The following UBE3D variants were observed in gnomAD, a reference collection of about 807,000 sequenced individuals.
UBE3D encodes the protein ubiquitin protein ligase E3D.
A neutral mutation model predicts 49.6 loss-of-function variants in UBE3D; 48 were observed. The observed-to-expected ratio is 0.97, with a 90% CI of 0.77 to 1.23. The LOEUF (loss-of-function observed/expected upper bound fraction) is 1.23, where lower values mean the gene tolerates loss of function less well. Among genes scored for constraint, UBE3D ranks in the 50% most tolerant of loss-of-function variants. The pLI is 0.00. For synonymous variants in UBE3D, 189 were observed against 174.2 expected (o/e 1.08, Z -0.67); for missense variants, 452 against 468.4 (o/e 0.96, Z 0.32).
chr6:83,026,704 A>G (rs551335742), intron 5 of UBE3D, among the ~76,000 whole-genome samples: 1 of 152,070 alleles, frequency 6.6e-6, no homozygotes, highest in Non-Finnish European at 1.5e-5. Context: ...TTATTTATTT[A>G]CTTATTTAAG....
intron 5 of UBE3D, among the ~76,000 whole-genome samples, chr6:83,034,680 TGAA>T (rs1782118196): frequency 6.6e-6 from 1 of 152,158 alleles, no homozygotes; most frequent in South Asian, 2.1e-4. Context: ...TGCCCCCTTA[TGAA>T]GAAGGTGCTT....
intron 5 of UBE3D, among the ~76,000 whole-genome samples, chr6:83,034,273 T>A (rs1178454837): frequency 6.6e-6 from 1 of 152,116 alleles, no homozygotes; most frequent in African/African-American, 2.4e-5. Context: ...TATACTTTTG[T>A]ATCATACTAC....
intron 4 of UBE3D, among the ~76,000 whole-genome samples, chr6:83,042,001 CCAGGTTCAAACGATTCTCCTGCCTCA>C (rs1782706863): frequency 1.3e-5 from 2 of 152,096 alleles, no homozygotes; most frequent in Non-Finnish European, 2.9e-5. Context: ...CCTCTGCCTC[CCAGGTTCAAACGATTCTCCTGCCTCA>C]GCCTCCTGAG....
intron 3 of UBE3D, among the ~76,000 whole-genome samples, chr6:83,047,135 G>A (rs749161822): frequency 6.6e-6 from 1 of 152,258 alleles, no homozygotes; most frequent in Middle Eastern, 3.4e-3. Context: ...TTGCACACTG[G>A]AATTAAGGGG....
Position 82,999,846 on chromosome 6 carries a change from C to G in UBE3D, c.1010+19127G>C, listed in dbSNP as rs75144423. On this transcript the variant is annotated intron_variant, in intron 8 of 9. Coordinates refer to ENST00000369747, the MANE Select transcript of UBE3D (RefSeq NM_198920.3). ...CATATCACCTCTCATTCACTGCTCA[C>G]CCATTCCACCCCAGCTCTCATCCCA... 4.0e-3 allele frequency among the ~76,000 whole-genome samples: 607 copies of G among 152,282 alleles called. 1 individual carries two copies. The Middle Eastern group carries it at 0.048, about 12-fold the overall frequency.
rs1771044835 is a variant in UBE3D, at chr6:82,892,974, C to G, written c.*48G>C. The G allele has an allele frequency of 3.1e-6, 5 of 1,612,726 alleles. No individual in the cohort carries two copies. In the East Asian group the frequency reaches 8.9e-5, roughly 29 times the overall value. On this transcript the variant is annotated 3_prime_UTR_variant, in exon 10 of 10. Coordinates refer to ENST00000369747, the MANE Select transcript of UBE3D (RefSeq NM_198920.3). ...GCTGACTGCTGGCCTCGGTGTGCTC[C>G]TGCTTGAGAGCTGTCTGCCGGGGGA...
chr6:82,948,457 T>G (rs960129357), intron 9 of UBE3D, among the ~76,000 whole-genome samples: 2 of 151,792 alleles, frequency 1.3e-5, no homozygotes, highest in African/African-American at 4.8e-5. Context: ...TAATACCACT[T>G]CTACTCAAAC....
At chr6:82,983,986 TATGTAAAATATATACTTGTTCCC>T (rs1281075001) in intron 8 of UBE3D, among the ~76,000 whole-genome samples, 2 of 152,180 alleles carry the variant, frequency 1.3e-5, no homozygotes, top group Non-Finnish European at 2.9e-5. Context: ...GCCTTATAAC[TATGTAAAATATATACTTGTTCCC>T]AAGTCAAATC....
At chr6:82,890,223 C>T (rs1403108074), downstream of UBE3D, among the ~76,000 whole-genome samples, 2 of 152,102 alleles carry the variant, frequency 1.3e-5, no homozygotes, top group Non-Finnish European at 2.9e-5. Context: ...AATGCTATCC[C>T]TGTGTCTCTT....
intron 9 of UBE3D, among the ~76,000 whole-genome samples, chr6:82,945,883 T>G (rs1043952524): frequency 6.6e-6 from 1 of 152,150 alleles, no homozygotes; most frequent in African/African-American, 2.4e-5. Context: ...ACACTAAAGA[T>G]TGAATCAGAG....
At chr6:82,968,208 T>C (rs1777087747) in intron 8 of UBE3D, among the ~76,000 whole-genome samples, 1 of 152,176 alleles carries the variant, frequency 6.6e-6, no homozygotes, top group African/African-American at 2.4e-5. Flanking sequence ...ATCAAGTTTT[T>C]GTATTTTTAA....
chr6:83,006,760 G>A (rs944286839), intron 8 of UBE3D, among the ~76,000 whole-genome samples: 12 of 152,192 alleles, frequency 7.9e-5, no homozygotes, highest in South Asian at 4.1e-4. Flanking sequence ...AGAGGCTGGG[G>A]TGAGTGGGAA....
chr6:82,943,406 C>T (rs755530941), intron 9 of UBE3D, among the ~76,000 whole-genome samples: 12 of 152,102 alleles, frequency 7.9e-5, no homozygotes, highest in African/African-American at 2.4e-4. Flanking sequence ...GAAGCTGATG[C>T]GGGAGAATTG....
intron 9 of UBE3D, among the ~76,000 whole-genome samples, chr6:82,901,916 G>C (rs560348110): frequency 1.3e-5 from 2 of 152,252 alleles, no homozygotes; most frequent in East Asian, 3.9e-4. Context: ...TCAAATTGAC[G>C]TATCATAGAA....
chr6:83,011,094 C>T (rs140053795), intron 8 of UBE3D, among the ~76,000 whole-genome samples: 60 of 152,206 alleles, frequency 3.9e-4, no homozygotes, highest in African/African-American at 1.3e-3. Context: ...CTTCATACAA[C>T]GGAAATGCAC....
chr6:83,052,647 G>GT (rs966330933), intron 3 of UBE3D, among the ~76,000 whole-genome samples: 1 of 152,144 alleles, frequency 6.6e-6, no homozygotes, highest in Non-Finnish European at 1.5e-5. Context: ...ATAATGGCAT[G>GT]TTTTTTTGGG....
chr6:83,028,754 C>A (rs546445215), intron 5 of UBE3D, among the ~76,000 whole-genome samples: 1 of 152,046 alleles, frequency 6.6e-6, no homozygotes, highest in Non-Finnish European at 1.5e-5. Context: ...TGGTATCTTT[C>A]GTGTCAGCCT....
chr6:82,985,008 C>CCTTTTTTTTTTTTTT (rs1442501883), intron 8 of UBE3D, among the ~76,000 whole-genome samples: 1 of 52,998 alleles, frequency 1.9e-5, no homozygotes, highest in Non-Finnish European at 3.3e-5. Context: ...TCTTCTTCTT[C>CCTTTTTTTTTTTTTT]TTTTTTTTTT....
At chr6:83,026,647 C>T (rs903242660) in intron 5 of UBE3D, among the ~76,000 whole-genome samples, 11 of 152,016 alleles carry the variant, frequency 7.2e-5, no homozygotes, top group Middle Eastern at 3.2e-3. Flanking sequence ...CGTTATTACA[C>T]GCAGGACTAA....
Sources: gnomAD v4.1 joint callset for allele counts (sites outside exome capture counted in the v4.1 genomes callset) on GRCh38, gnomAD v4.1.1 for gene constraint, MANE v1.5 for transcripts, NCBI Gene and HGNC (gene_info 2026-07-23, HGNC 2026-07-21) for gene names.